ZBTB7C: variants seen among roughly 807,000 people sequenced by gnomAD.
ZBTB7C encodes zinc finger and BTB domain-containing protein 7C.
In ZBTB7C, 8 loss-of-function variants were observed where a neutral mutation model predicts 25.7. That is an observed-to-expected ratio of 0.31 (90% CI 0.18 to 0.56). ZBTB7C has a LOEUF of 0.56. ZBTB7C is among the 20% of genes least tolerant of loss of function. The pLI, the probability that ZBTB7C is intolerant of heterozygous loss-of-function variation, is 0.91. For missense variants in ZBTB7C, 824 were observed against 855.2 expected (o/e 0.96, Z 0.46); for synonymous variants, 394 against 369.0 (o/e 1.07, Z -0.78).
chr18:48,110,059 T>A (rs199602671), intron 3 of ZBTB7C, among the ~76,000 whole-genome samples: 38,870 of 151,988 alleles, frequency 0.26, 5,581 homozygotes, highest in African/African-American at 0.39. Flanking sequence ...GATCCTTACA[T>A]TCAGCTCAGC....
At chr18:48,112,595 C>T (rs1332890285) in intron 3 of ZBTB7C, among the ~76,000 whole-genome samples, 4 of 152,090 alleles carry the variant, frequency 2.6e-5, no homozygotes, top group Admixed American at 1.3e-4. Context: ...AACTCTTGAA[C>T]GACTTGGCCT....
intron 2 of ZBTB7C, among the ~76,000 whole-genome samples, chr18:48,190,522 T>C (rs10853565): frequency 0.45 from 68,817 of 152,012 alleles, 16,618 homozygotes; most frequent in East Asian, 0.7. Flanking sequence ...ACTGAAGCAG[T>C]GCTCAAATCA....
chr18:48,224,949 A>C (rs1034114860), intron 2 of ZBTB7C, among the ~76,000 whole-genome samples: 3 of 152,172 alleles, frequency 2.0e-5, no homozygotes, highest in African/African-American at 7.2e-5. Context: ...AAACTGCTAG[A>C]ATATTTTGGT....
chr18:48,394,964 T>C (rs553465751), intron 1 of ZBTB7C, among the ~76,000 whole-genome samples: 63 of 152,116 alleles, frequency 4.1e-4, no homozygotes, highest in Non-Finnish European at 7.2e-4. Context: ...CACATATAAA[T>C]TCTCCTGACA....
intron 2 of ZBTB7C, among the ~76,000 whole-genome samples, chr18:48,265,808 C>T (rs1254233075): frequency 6.6e-6 from 1 of 152,192 alleles, no homozygotes; most frequent in Non-Finnish European, 1.5e-5. Flanking sequence ...TGCTCACAGA[C>T]TGCAGGAGAC....
chr18:48,362,920 C>T (rs1387864234), intron 1 of ZBTB7C, among the ~76,000 whole-genome samples: 1 of 152,150 alleles, frequency 6.6e-6, no homozygotes. Context: ...GGCCGCTGCA[C>T]CTGAGGGCCC....
chr18:48,084,966 C>T (rs1246686121), intron 3 of ZBTB7C, among the ~76,000 whole-genome samples: 2 of 152,148 alleles, frequency 1.3e-5, no homozygotes, highest in African/African-American at 4.8e-5. Flanking sequence ...CACAATCAAA[C>T]CTTCATTCCT....
chr18:48,390,879 T>C (rs11872363), intron 1 of ZBTB7C, among the ~76,000 whole-genome samples: 4,844 of 152,286 alleles, frequency 0.032, 274 homozygotes, highest in African/African-American at 0.11. Flanking sequence ...GGCTTTGCAA[T>C]TGACAAAAGA....
chr18:48,091,495 G>A (rs2038415030), intron 3 of ZBTB7C, among the ~76,000 whole-genome samples: 1 of 152,120 alleles, frequency 6.6e-6, no homozygotes, highest in Non-Finnish European at 1.5e-5. Flanking sequence ...AACTTGGGGT[G>A]TTCACATTTC....
intron 3 of ZBTB7C, among the ~76,000 whole-genome samples, chr18:48,092,586 C>T (rs59474170): frequency 0.059 from 9,025 of 152,206 alleles, 623 homozygotes; most frequent in African/African-American, 0.17. Context: ...CTCAAATACG[C>T]TTTGCATCTG....
intron 2 of ZBTB7C, among the ~76,000 whole-genome samples, chr18:48,212,723 A>G (rs867188639): frequency 3.8e-4 from 58 of 152,274 alleles, no homozygotes; most frequent in African/African-American, 1.3e-3. Context: ...TTTGTGATTC[A>G]TAGCTGAGTG....
intron 2 of ZBTB7C, among the ~76,000 whole-genome samples, chr18:48,325,465 G>A (rs997828334): frequency 1.3e-5 from 2 of 152,098 alleles, no homozygotes; most frequent in Admixed American, 1.3e-4. Context: ...CCTTTTTCAT[G>A]CACTAGCAAT....
At chr18:48,074,371 C>G (rs1054071045) in intron 3 of ZBTB7C, among the ~76,000 whole-genome samples, 9 of 152,174 alleles carry the variant, frequency 5.9e-5, no homozygotes, top group Non-Finnish European at 1.2e-4. Flanking sequence ...CCTGAGATAT[C>G]GCTTTTTCCT....
At chr18:48,097,389 T>TTATTAC (rs894001730) in intron 3 of ZBTB7C, among the ~76,000 whole-genome samples, 1 of 98,068 alleles carries the variant, frequency 1.0e-5, no homozygotes, top group African/African-American at 3.3e-5. Context: ...GTTGTTATTA[T>TTATTAC]TATTATTATT....
At chr18:48,199,279 G>A (rs750378637) in intron 2 of ZBTB7C, among the ~76,000 whole-genome samples, 11 of 152,062 alleles carry the variant, frequency 7.2e-5, no homozygotes, top group Non-Finnish European at 1.6e-4. Context: ...TCCTCTCCTC[G>A]GGTTTTATTC....
chr18:48,362,208 C>T (rs960282882), intron 1 of ZBTB7C, among the ~76,000 whole-genome samples: 4 of 152,236 alleles, frequency 2.6e-5, no homozygotes, highest in African/African-American at 9.6e-5. Flanking sequence ...GTTGCCAAGG[C>T]CTTCCTGCAG....
At chr18:48,389,863 A>G (rs2145254004) in intron 1 of ZBTB7C, among the ~76,000 whole-genome samples, 1 of 152,350 alleles carries the variant, frequency 6.6e-6, no homozygotes, top group Middle Eastern at 3.4e-3. Context: ...GAATGAATTA[A>G]TGAACTAATG....
In ZBTB7C at chr18:48,052,005, T is replaced by C. The variant is rs185475750; in HGVS notation, c.-16-10882A>G. Among the ~76,000 whole-genome samples, 22 of 152,378 alleles carry C rather than the reference T, an allele frequency of 1.4e-4. No homozygotes were observed. The East Asian group carries it at 3.1e-3, about 21-fold the overall frequency. On this transcript the variant is annotated intron_variant, in intron 3 of 4. Transcript: ENST00000590800. ...TTCAAAATAAAGGATTTACTACTTG[T>C]GTTTATTACAGGCGATTTCCTGAGC...
intron 3 of ZBTB7C, among the ~76,000 whole-genome samples, chr18:48,047,235 G>A (rs2036510077): frequency 6.6e-6 from 1 of 152,162 alleles, no homozygotes; most frequent in Admixed American, 6.5e-5. Context: ...GTCCCAAAGG[G>A]GATGTCATGC....
Sources: allele counts gnomAD v4.1 joint callset (sites outside exome capture counted in the v4.1 genomes callset), GRCh38; gene constraint gnomAD v4.1.1; transcripts MANE v1.5; gene names NCBI Gene and HGNC (gene_info 2026-07-23, HGNC 2026-07-21).